The following KIF5C variants were observed in gnomAD, a reference collection of about 807,000 sequenced individuals.
KIF5C encodes the protein kinesin family member 5C, also known as kinesin heavy chain isoform 5C.
KIF5C carries 18 observed loss-of-function variants against 125.2 expected under a neutral mutation model. The observed-to-expected ratio is 0.14, with a 90% CI of 0.10 to 0.21. KIF5C has a LOEUF of 0.21. KIF5C is among the 10% of genes least tolerant of loss of function. The pLI, the probability that KIF5C is intolerant of heterozygous loss-of-function variation, is 1.00. For missense variants in KIF5C, 780 were observed against 1,183.8 expected (o/e 0.66, Z 5.01); for synonymous variants, 405 against 434.0 (o/e 0.93, Z 0.83).
chr2:148,919,453 A>G (rs1435885953), intron 1 of KIF5C, among the ~76,000 whole-genome samples: 1 of 152,230 alleles, frequency 6.6e-6, no homozygotes, highest in Non-Finnish European at 1.5e-5. Flanking sequence ...CTGTAGCTGT[A>G]AACTCAGTGA....
At chr2:148,960,831 A>T (rs1682908353) in intron 10 of KIF5C, among the ~76,000 whole-genome samples, 1 of 152,264 alleles carries the variant, frequency 6.6e-6, no homozygotes, top group African/African-American at 2.4e-5. Context: ...GAAGTTCAAA[A>T]TGAAAAAGTC....
intron 5 of KIF5C, 48 bp downstream of exon 5, chr2:148,941,706 C>CG: frequency 6.5e-7 from 1 of 1,541,838 alleles, no homozygotes; most frequent in Non-Finnish European, 8.7e-7. Flanking sequence ...AACGAAAGTC[C>CG]GGGGAGGTTG....
chr2:149,021,249 G>T (rs1166979211), intron 25 of KIF5C, among the ~76,000 whole-genome samples: 1 of 152,132 alleles, frequency 6.6e-6, no homozygotes, highest in Non-Finnish European at 1.5e-5. Flanking sequence ...TTTTAGTAGA[G>T]ATGGGGTTTC....
intron 22 of KIF5C, among the ~76,000 whole-genome samples, chr2:149,007,092 G>C (rs1160599316): frequency 6.6e-6 from 1 of 152,154 alleles, no homozygotes; most frequent in African/African-American, 2.4e-5. Context: ...CCCCACCCCA[G>C]GTCCACTGAA....
chr2:148,946,679 A>G (rs1485140834), intron 7 of KIF5C, among the ~76,000 whole-genome samples: 1 of 152,214 alleles, frequency 6.6e-6, no homozygotes, highest in East Asian at 1.9e-4. Flanking sequence ...AGATTTTTAG[A>G]TTAACTTCTT....
chr2:149,026,516 C>G lies in KIF5C; in HGVS notation c.*3446C>G, dbSNP rs917784528. 1.3e-5 allele frequency: 2 copies of G among 152,474 alleles called. No homozygotes were observed. The highest frequency in any genetic ancestry group is 4.8e-5 in the African/African-American group (2 of 41,392). 9.4% of individuals were successfully genotyped at this position (152,474 alleles called of 1,614,324 possible). On this transcript the variant is annotated 3_prime_UTR_variant, in exon 26 of 26. Coordinates refer to ENST00000435030, the MANE Select transcript of KIF5C (RefSeq NM_004522.3). ...TTATGTATCTGTACAGTAGCTTTCA[C>G]ATTAAAAAAATTGTGGACAAACTTG...
intron 11 of KIF5C, among the ~76,000 whole-genome samples, chr2:148,972,099 C>T (rs1002448634): frequency 5.3e-5 from 8 of 151,990 alleles, no homozygotes; most frequent in African/African-American, 1.9e-4. Flanking sequence ...CACACCCAGC[C>T]AATTTTTGTA....
chr2:148,984,184 A>T (rs561228418), intron 15 of KIF5C, among the ~76,000 whole-genome samples: 1 of 152,254 alleles, frequency 6.6e-6, no homozygotes, highest in Non-Finnish European at 1.5e-5. Flanking sequence ...AAGTGATAGG[A>T]TTCTAACAGT....
At chr2:148,983,883 G>A in intron 15 of KIF5C, 117 bp downstream of exon 15, 2 of 1,264,844 alleles carry the variant, frequency 1.6e-6, no homozygotes, top group Non-Finnish European at 2.0e-6. Context: ...CCATGTGCTG[G>A]TTAGTGTTTG....
chr2:149,022,634 T>C (rs1409078570), intron 25 of KIF5C, among the ~76,000 whole-genome samples: 1 of 152,300 alleles, frequency 6.6e-6, no homozygotes, highest in East Asian at 1.9e-4. Context: ...AAATTAAATA[T>C]GTGGCTTGGC....
chr2:148,937,087 A>T lies in KIF5C; in HGVS notation c.292-197A>T, dbSNP rs998436067. 2.6e-5 allele frequency among the ~76,000 whole-genome samples: 4 copies of T among 152,184 alleles called. No individual in the cohort carries two copies. The South Asian group carries it at 6.2e-4, about 24-fold the overall frequency. On this transcript the variant is annotated intron_variant, in intron 3 of 25. Coordinates refer to ENST00000435030, the MANE Select transcript of KIF5C (RefSeq NM_004522.3). ...ACAAGTGCTCCCCTGCTGGATAAAC[A>T]GGCCAACACAATGAGTTTTTCCACC...
At chr2:148,914,109 A>G (rs1681450596) in intron 1 of KIF5C, among the ~76,000 whole-genome samples, 2 of 152,246 alleles carry the variant, frequency 1.3e-5, no homozygotes, top group South Asian at 2.1e-4. Flanking sequence ...TTGACTTTAC[A>G]GAGAGGAAGA....
At chr2:149,022,037 G>C (rs1206158957) in intron 25 of KIF5C, among the ~76,000 whole-genome samples, 1 of 152,154 alleles carries the variant, frequency 6.6e-6, no homozygotes, top group East Asian at 1.9e-4. Flanking sequence ...CCCAGCACCA[G>C]CCGAACTTCT....
At chr2:149,000,279 T>C in intron 19 of KIF5C, 144 bp from the exon 20 acceptor site, 1 of 966,552 alleles carries the variant, frequency 1.0e-6, no homozygotes, top group Non-Finnish European at 1.5e-6. Flanking sequence ...GCTGTGAGGC[T>C]GTTCTGTGAT....
intron 11 of KIF5C, among the ~76,000 whole-genome samples, chr2:148,972,767 A>C (rs564748423): frequency 1.9e-4 from 29 of 152,298 alleles, no homozygotes; most frequent in African/African-American, 7.0e-4. Flanking sequence ...GTGGTATTGA[A>C]ATGTGAGCTT....
intron 2 of KIF5C, among the ~76,000 whole-genome samples, chr2:148,925,886 C>CT (rs1276640271): frequency 6.6e-6 from 1 of 152,212 alleles, no homozygotes. Context: ...ATGCCCTTGC[C>CT]TGGGCACAGG....
chr2:148,941,592 C>G lies in KIF5C; in HGVS notation c.397-18C>G, dbSNP rs1682407025. ...CACTGCGGCATGTCTATTCCAAGCT[C>G]AATTTGTTTTTAACTAGGTTTCCTA... On this transcript the variant is annotated intron_variant, in intron 4 of 25. Transcript: ENST00000435030. The G allele has an allele frequency of 4.5e-6, 7 of 1,554,524 alleles. No homozygotes were observed. In the African/African-American group the frequency reaches 6.8e-5, roughly 15 times the overall value.
At position 148,977,429 on chromosome 2, in the gene KIF5C, T is replaced by A. The variant is rs551223342; in HGVS notation, c.1294-1493T>A. Among the ~76,000 whole-genome samples the A allele has an allele frequency of 6.6e-5, 10 of 152,354 alleles. 1 individual carries two copies. The East Asian group carries it at 1.9e-3, about 29-fold the overall frequency. ...GCTCTCCGATGGTAAATTCTTTGAA[T>A]CCTTTATGCTAAGTTGTCTAATATT... On this transcript the variant is annotated intron_variant, in intron 12 of 25. Transcript: ENST00000435030.
intron 1 of KIF5C, among the ~76,000 whole-genome samples, chr2:148,910,781 A>T (rs545913190): frequency 3.2e-4 from 48 of 152,360 alleles, no homozygotes; most frequent in African/African-American, 9.9e-4. Flanking sequence ...TGGAGAAAAG[A>T]CAGACAAGTG....
Sources: allele counts gnomAD v4.1 joint callset (sites outside exome capture counted in the v4.1 genomes callset), GRCh38; gene constraint gnomAD v4.1.1; transcripts MANE v1.5; gene names NCBI Gene and HGNC (gene_info 2026-07-23, HGNC 2026-07-21).